NME7: variants seen among roughly 807,000 people sequenced by gnomAD.
NME7 encodes the protein NME/NM23 family member 7, also known as nucleoside diphosphate kinase 7.
In NME7, 41 loss-of-function variants were observed where a neutral mutation model predicts 49.1. The ratio of observed to expected loss-of-function variants is 0.83; its 90% CI spans 0.65 to 1.08. NME7 has a LOEUF of 1.08. NME7 is among the 50% of genes least tolerant of loss of function. The pLI is 0.00. For missense variants in NME7, 423 were observed against 463.4 expected (o/e 0.91, Z 0.80); for synonymous variants, 139 against 150.6 (o/e 0.92, Z 0.56).
At chr1:169,364,165 C>T (rs895762540) in intron 1 of NME7, among the ~76,000 whole-genome samples, 1 of 152,114 alleles carries the variant, frequency 6.6e-6, no homozygotes, top group African/African-American at 2.4e-5. Flanking sequence ...CATTTGAGTG[C>T]CTAATATGAT....
intron 10 of NME7, among the ~76,000 whole-genome samples, chr1:169,175,561 G>A (rs868138934): frequency 6.6e-6 from 1 of 152,056 alleles, no homozygotes; most frequent in African/African-American, 2.4e-5. Context: ...AATGCATTGT[G>A]TGACTATCTC....
rs114506766 is a variant in NME7 at position 169,332,876 on chromosome 1, T to C, written c.4-8376A>G. The stretch of plus-strand genomic sequence containing the variant: ...GACCCTTGTACACTGTTGTTAGGAA[T>C]GTAAATTAAAACAACCACTATGGAG... On this transcript the variant is annotated intron_variant, in intron 1 of 11. Transcript: ENST00000367811. Among the ~76,000 whole-genome samples the C allele has an allele frequency of 7.0e-3, 1,061 of 152,274 alleles. 19 individuals carry two copies. The highest frequency in any genetic ancestry group is 0.025 in the African/African-American group (1,021 of 41,566).
intron 11 of NME7, among the ~76,000 whole-genome samples, chr1:169,139,298 C>CT (rs1245284232): frequency 5.9e-5 from 9 of 152,082 alleles, no homozygotes; most frequent in Non-Finnish European, 5.9e-5. Context: ...GTGTGTAATC[C>CT]TTACAACCAC....
At chr1:169,295,364 T>C (rs1387844541) in intron 6 of NME7, among the ~76,000 whole-genome samples, 5 of 152,130 alleles carry the variant, frequency 3.3e-5, no homozygotes, top group African/African-American at 1.2e-4. Flanking sequence ...ATGGATGGCA[T>C]AAGGTGGTAA....
chr1:169,210,484 T>C (rs1660778871), intron 10 of NME7, among the ~76,000 whole-genome samples: 1 of 152,046 alleles, frequency 6.6e-6, no homozygotes, highest in African/African-American at 2.4e-5. Context: ...CCCGTGGGGG[T>C]TGGAACATTG....
intron 11 of NME7, among the ~76,000 whole-genome samples, chr1:169,167,997 C>G (rs1659463830): frequency 1.3e-5 from 2 of 152,172 alleles, no homozygotes; most frequent in Admixed American, 6.5e-5. Context: ...TTAACTGTCT[C>G]TCTGAAGTAA....
intron 11 of NME7, among the ~76,000 whole-genome samples, chr1:169,149,329 A>G (rs1658844722): frequency 6.6e-6 from 1 of 152,012 alleles, no homozygotes; most frequent in Non-Finnish European, 1.5e-5. Context: ...TGACAGAGTA[A>G]GACTCCATCT....
At chr1:169,158,433 A>G (rs1659147018) in intron 11 of NME7, among the ~76,000 whole-genome samples, 1 of 152,142 alleles carries the variant, frequency 6.6e-6, no homozygotes, top group Non-Finnish European at 1.5e-5. Context: ...AAACTTATAA[A>G]TTGTTTATTT....
chr1:169,169,582 T>G, intron 10 of NME7, 28 bp from the exon 11 acceptor site: 1 of 1,575,004 alleles, frequency 6.3e-7, no homozygotes, highest in Non-Finnish European at 8.7e-7. Flanking sequence ...ACATATAGAT[T>G]AATGTTAGTC....
intron 1 of NME7, among the ~76,000 whole-genome samples, chr1:169,348,594 T>G (rs978728315): frequency 2.6e-5 from 4 of 152,166 alleles, no homozygotes; most frequent in African/African-American, 9.7e-5. Context: ...AAAGGATAGC[T>G]TTTCCTGAAA....
At chr1:169,347,189 G>A (rs1031690098) in intron 1 of NME7, among the ~76,000 whole-genome samples, 4 of 152,106 alleles carry the variant, frequency 2.6e-5, no homozygotes, top group Non-Finnish European at 5.9e-5. Flanking sequence ...GACACAGTGA[G>A]ACGCCATCTC....
intron 7 of NME7, among the ~76,000 whole-genome samples, chr1:169,242,912 A>G (rs1648153156): frequency 6.6e-6 from 1 of 152,236 alleles, no homozygotes; most frequent in Non-Finnish European, 1.5e-5. Flanking sequence ...AAAGAGCTAA[A>G]TAAATGAAGA....
intron 1 of NME7, among the ~76,000 whole-genome samples, chr1:169,329,102 A>G (rs1249675251): frequency 2.0e-5 from 3 of 152,166 alleles, no homozygotes; most frequent in Non-Finnish European, 4.4e-5. Context: ...CAGACAGAGT[A>G]TTCAAAATAG....
chr1:169,221,807 C>T (rs1205509161), intron 10 of NME7, among the ~76,000 whole-genome samples: 1 of 151,954 alleles, frequency 6.6e-6, no homozygotes, highest in African/African-American at 2.4e-5. Context: ...TCACTGCAGC[C>T]TTAACCTATT....
At chr1:169,328,153 G>A (rs375193543) in intron 1 of NME7, among the ~76,000 whole-genome samples, 42 of 152,204 alleles carry the variant, frequency 2.8e-4, no homozygotes, top group African/African-American at 9.6e-4. Flanking sequence ...GCCCTGAAAT[G>A]TGTTGCTTAA....
At chr1:169,299,668 C>T (rs1650863519) in intron 5 of NME7, among the ~76,000 whole-genome samples, 1 of 152,082 alleles carries the variant, frequency 6.6e-6, no homozygotes, top group Non-Finnish European at 1.5e-5. Context: ...TCCTTCCACC[C>T]TGCATGTTAT....
At chr1:169,297,663 T>C (rs1465597121) in intron 6 of NME7, among the ~76,000 whole-genome samples, 4 of 152,202 alleles carry the variant, frequency 2.6e-5, no homozygotes. Flanking sequence ...ATAAAGACTT[T>C]AGATTTTATT....
At chr1:169,314,569 C>T (rs943140876) in intron 3 of NME7, among the ~76,000 whole-genome samples, 3 of 151,884 alleles carry the variant, frequency 2.0e-5, no homozygotes, top group Non-Finnish European at 2.9e-5. Context: ...TTAGTAGTTA[C>T]GTTACAAATA....
chr1:169,336,821 C>G (rs1652496342), intron 1 of NME7, among the ~76,000 whole-genome samples: 1 of 151,624 alleles, frequency 6.6e-6, no homozygotes, highest in African/African-American at 2.4e-5. Context: ...TCTCCAAGGC[C>G]CCACCAGAGC....
Sources: allele counts gnomAD v4.1 joint callset (sites outside exome capture counted in the v4.1 genomes callset), GRCh38; gene constraint gnomAD v4.1.1; transcripts MANE v1.5; gene names NCBI Gene and HGNC (gene_info 2026-07-23, HGNC 2026-07-21).